VOPP1: variants seen among roughly 807,000 people sequenced by gnomAD.
VOPP1 encodes the protein WW domain binding protein VOPP1.
Under a neutral mutation model 23.5 loss-of-function variants are expected in VOPP1, and 8 were observed. The ratio of observed to expected loss-of-function variants is 0.34; its 90% CI spans 0.20 to 0.61. The LOEUF (loss-of-function observed/expected upper bound fraction) is 0.61, where lower values mean the gene tolerates loss of function less well. Among genes scored for constraint, VOPP1 ranks in the 20% least tolerant of loss-of-function variants. The probability of loss-of-function intolerance (pLI) is 0.78; values close to 1 mark genes in which losing one functional copy is unlikely to be tolerated. For synonymous variants in VOPP1, 83 were observed against 97.3 expected (o/e 0.85, Z 0.86); for missense variants, 174 against 238.1 (o/e 0.73, Z 1.77).
At chr7:55,512,758 G>A (rs549333536) in intron 2 of VOPP1, among the ~76,000 whole-genome samples, 1 of 152,330 alleles carries the variant, frequency 6.6e-6, no homozygotes, top group Non-Finnish European at 1.5e-5. Context: ...CAGTGCTGCA[G>A]GAGAGCTCAG....
rs183481368 is a variant in VOPP1, at chr7:55,497,635, T to G, written c.169A>C (p.Ile57Leu). 2.6e-4 allele frequency: 411 copies of G among 1,609,536 alleles called. 4 individuals are homozygous for G. The African/African-American group carries it at 5.2e-3, about 20-fold the overall frequency. ...GSRCCVRALS[I>L]QRLWYFWFLL... ...TACCAGAAGTACCACAGCCTCTGTA[T>G]GGAGAGGGCCCGCACACAGCACCTG... is the stretch of plus-strand genomic sequence containing the variant. The change falls in exon 3 of 5, where the codon ATA (isoleucine) becomes CTA (leucine). Residue 57 changes from isoleucine (I) to leucine (L), a missense_variant. Transcript: ENST00000285279.
chr7:55,532,626 T>A (rs1796560911), intron 1 of VOPP1, among the ~76,000 whole-genome samples: 1 of 151,686 alleles, frequency 6.6e-6, no homozygotes, highest in Non-Finnish European at 1.5e-5. Flanking sequence ...ACTACACTAG[T>A]TACAACCACC....
intron 2 of VOPP1, among the ~76,000 whole-genome samples, chr7:55,503,201 T>C (rs1794486941): frequency 6.6e-6 from 1 of 152,212 alleles, no homozygotes; most frequent in Non-Finnish European, 1.5e-5. Flanking sequence ...TTTATCTCAA[T>C]GATAGGACCT....
At chr7:55,521,487 C>T in intron 1 of VOPP1, 1 of 990,816 alleles carries the variant, frequency 1.0e-6, no homozygotes, top group Non-Finnish European at 1.2e-6. Context: ...TTGCCACTGC[C>T]CCCCAATTTC....
intron 2 of VOPP1, among the ~76,000 whole-genome samples, chr7:55,506,323 G>A (rs815934): frequency 0.65 from 99,505 of 152,116 alleles, 33,035 homozygotes; most frequent in Admixed American, 0.72. Flanking sequence ...AGTCTATTAC[G>A]CAAAAATGTA....
At chr7:55,558,480 C>G (rs1440221834) in intron 1 of VOPP1, among the ~76,000 whole-genome samples, 1 of 152,170 alleles carries the variant, frequency 6.6e-6, no homozygotes, top group South Asian at 2.1e-4. Flanking sequence ...GTGTTTCTCA[C>G]CTGCTAACCT....
chr7:55,513,448 C>T (rs1795211727), intron 2 of VOPP1, among the ~76,000 whole-genome samples: 1 of 152,190 alleles, frequency 6.6e-6, no homozygotes, highest in South Asian at 2.1e-4. Context: ...TCCCTATCGT[C>T]TCAGTGGAGT....
chr7:55,536,824 G>A (rs549275052), intron 1 of VOPP1, among the ~76,000 whole-genome samples: 106 of 152,272 alleles, frequency 7.0e-4, no homozygotes, highest in Non-Finnish European at 1.2e-3. Flanking sequence ...AGGGCGCACC[G>A]TACCCAGTCT....
chr7:55,541,117 A>C (rs1304237975), intron 1 of VOPP1, among the ~76,000 whole-genome samples: 2 of 152,250 alleles, frequency 1.3e-5, no homozygotes, highest in African/African-American at 4.8e-5. Flanking sequence ...AAAAATGGGC[A>C]AAGGAGTGAC....
At chr7:55,563,578 A>AGT (rs1436623387) in intron 1 of VOPP1, among the ~76,000 whole-genome samples, 2 of 152,222 alleles carry the variant, frequency 1.3e-5, no homozygotes, top group African/African-American at 4.8e-5. Context: ...TACACAGTGA[A>AGT]GTATCTTGGG....
intron 2 of VOPP1, among the ~76,000 whole-genome samples, chr7:55,520,142 T>C (rs1795745180): frequency 6.6e-6 from 1 of 151,900 alleles, no homozygotes; most frequent in Non-Finnish European, 1.5e-5. Context: ...ATAATAATAA[T>C]AATGACAGGT....
intron 2 of VOPP1, among the ~76,000 whole-genome samples, chr7:55,504,386 A>C (rs1372426311): frequency 1.3e-5 from 2 of 152,240 alleles, no homozygotes; most frequent in Non-Finnish European, 2.9e-5. Flanking sequence ...TCTCCAGAGA[A>C]ACTAAACACA....
At chr7:55,494,145 G>T (rs573984611) in intron 3 of VOPP1, among the ~76,000 whole-genome samples, 3 of 152,318 alleles carry the variant, frequency 2.0e-5, no homozygotes, top group Admixed American at 2.0e-4. Flanking sequence ...AACCGTTCAG[G>T]AGTGTGGTGA....
intron 1 of VOPP1, among the ~76,000 whole-genome samples, chr7:55,559,169 C>G (rs765439513): frequency 6.6e-6 from 1 of 152,164 alleles, no homozygotes; most frequent in Non-Finnish European, 1.5e-5. Context: ...GAACCATACA[C>G]ACAACTGAAT....
chr7:55,568,205 G>A (rs1374689264), intron 1 of VOPP1, among the ~76,000 whole-genome samples: 9 of 149,196 alleles, frequency 6.0e-5, no homozygotes, highest in Middle Eastern at 3.5e-3. Flanking sequence ...TCAGCCTCCC[G>A]AGTAGCTGGG....
chr7:55,441,876 G>A (rs1790974126), intron 4 of VOPP1, among the ~76,000 whole-genome samples: 1 of 152,182 alleles, frequency 6.6e-6, no homozygotes, highest in Non-Finnish European at 1.5e-5. Flanking sequence ...CTTCTGGGGA[G>A]ATGTGGAATT....
intron 4 of VOPP1, among the ~76,000 whole-genome samples, chr7:55,475,611 G>T (rs1272002005): frequency 6.6e-6 from 1 of 152,298 alleles, no homozygotes; most frequent in South Asian, 2.1e-4. Context: ...ACAGCCAGGA[G>T]CAAGGGGACT....
At chr7:55,494,190 C>T (rs185548794) in intron 3 of VOPP1, among the ~76,000 whole-genome samples, 3 of 152,180 alleles carry the variant, frequency 2.0e-5, no homozygotes, top group Non-Finnish European at 1.5e-5. Flanking sequence ...CAAGAACACT[C>T]ACTAAGTTCC....
intron 1 of VOPP1, chr7:55,537,837 C>T (rs1285868824): frequency 1.4e-6 from 1 of 714,686 alleles, no homozygotes; most frequent in Non-Finnish European, 2.0e-6. Context: ...ACTTCAAACC[C>T]ATGAAAGGGG....
Sources: gnomAD v4.1 joint callset for allele counts (sites outside exome capture counted in the v4.1 genomes callset) on GRCh38, gnomAD v4.1.1 for gene constraint, MANE v1.5 for transcripts, NCBI Gene and HGNC (gene_info 2026-07-23, HGNC 2026-07-21) for gene names.